EXOC6B: variants seen among roughly 807,000 people sequenced by gnomAD.
The protein encoded by EXOC6B is SEC15 homolog B.
In EXOC6B, 54 loss-of-function variants were observed where a neutral mutation model predicts 113.5. That is an observed-to-expected ratio of 0.48 (90% CI 0.38 to 0.60). The LOEUF is 0.60. Ranked by LOEUF, EXOC6B falls within the 20% of genes least tolerant of loss-of-function variation. The probability of loss-of-function intolerance (pLI) is 0.00; values close to 1 mark genes in which losing one functional copy is unlikely to be tolerated. For missense variants in EXOC6B, 797 were observed against 977.5 expected (o/e 0.82, Z 2.46); for synonymous variants, 357 against 339.0 (o/e 1.05, Z -0.58).
chr2:72,291,351 C>T (rs1685776272), intron 20 of EXOC6B, among the ~76,000 whole-genome samples: 1 of 152,180 alleles, frequency 6.6e-6, no homozygotes, highest in South Asian at 2.1e-4. Flanking sequence ...TAAAAGGCTG[C>T]CATGTCGGAC....
chr2:72,642,459 A>G (rs539977508), intron 6 of EXOC6B, among the ~76,000 whole-genome samples: 2,221 of 145,532 alleles, frequency 0.015, 27 homozygotes, highest in Middle Eastern at 0.053. Context: ...AAATAACGCC[A>G]CATATCTACA....
At chr2:72,325,872 T>C (rs1688100033) in intron 20 of EXOC6B, among the ~76,000 whole-genome samples, 1 of 152,020 alleles carries the variant, frequency 6.6e-6, no homozygotes, top group East Asian at 1.9e-4. Flanking sequence ...CAGATTAGGG[T>C]TCTGGATTCT....
At position 72,593,066 on chromosome 2, in the gene EXOC6B, G is replaced by A. The variant is rs553995812; in HGVS notation, c.670-17398C>T. ...ATGCAATGGAACCTCCAAAAAAACC[G>A]TAAACAACAGGGTTGGAGAGCTTCC... On this transcript the variant is annotated intron_variant, in intron 6 of 21. Coordinates refer to ENST00000272427, the MANE Select transcript of EXOC6B (RefSeq NM_015189.3). Among the ~76,000 whole-genome samples, 38 of 152,182 alleles carry A rather than the reference G, an allele frequency of 2.5e-4. No homozygotes were observed. In the Middle Eastern group the frequency reaches 0.014, roughly 55 times the overall value.
intron 18 of EXOC6B, among the ~76,000 whole-genome samples, chr2:72,381,230 C>A (rs1190052395): frequency 6.6e-6 from 1 of 152,020 alleles, no homozygotes. Flanking sequence ...CTTCCTTTTT[C>A]AGTTGAATAT....
intron 20 of EXOC6B, among the ~76,000 whole-genome samples, chr2:72,223,372 TGG>T (rs1680994206): frequency 6.6e-6 from 1 of 152,186 alleles, no homozygotes; most frequent in South Asian, 2.1e-4. Flanking sequence ...TATCCCTTTG[TGG>T]TTACAGATTA....
At chr2:72,601,695 T>G (rs1670446082) in intron 6 of EXOC6B, among the ~76,000 whole-genome samples, 1 of 152,294 alleles carries the variant, frequency 6.6e-6, no homozygotes, top group Admixed American at 6.5e-5. Context: ...AGTTGAAAAT[T>G]TATGTCCACA....
At chr2:72,742,464 C>CTA (rs375720239) in intron 1 of EXOC6B, among the ~76,000 whole-genome samples, 13 of 152,240 alleles carry the variant, frequency 8.5e-5, no homozygotes, top group African/African-American at 2.9e-4. Context: ...CAAGCACAGC[C>CTA]TATACATGTC....
chr2:72,708,648 T>G (rs1327573022), intron 6 of EXOC6B, among the ~76,000 whole-genome samples: 1 of 152,188 alleles, frequency 6.6e-6, no homozygotes, highest in Non-Finnish European at 1.5e-5. Context: ...CTGCATCCTG[T>G]TTGCAGTAGT....
chr2:72,796,497 T>C (rs926023889), intron 1 of EXOC6B, among the ~76,000 whole-genome samples: 14 of 150,798 alleles, frequency 9.3e-5, no homozygotes, highest in Non-Finnish European at 1.9e-4. Flanking sequence ...ACAAGCTTGG[T>C]TTACATAATC....
At chr2:72,451,494 A>T (rs1436038380) in intron 18 of EXOC6B, among the ~76,000 whole-genome samples, 1 of 152,234 alleles carries the variant, frequency 6.6e-6, no homozygotes, top group Non-Finnish European at 1.5e-5. Context: ...TAAAGACGGT[A>T]AATCATTCAA....
intron 6 of EXOC6B, among the ~76,000 whole-genome samples, chr2:72,656,501 C>G (rs1246209172): frequency 6.6e-6 from 1 of 151,708 alleles, no homozygotes; most frequent in Non-Finnish European, 1.5e-5. Flanking sequence ...AGGTAATTCA[C>G]AAAAAAAGAA....
chr2:72,780,995 T>A (rs1684004016), intron 1 of EXOC6B, among the ~76,000 whole-genome samples: 1 of 152,180 alleles, frequency 6.6e-6, no homozygotes, highest in Non-Finnish European at 1.5e-5. Flanking sequence ...GTGATCAAAT[T>A]CCTAACTAAA....
intron 20 of EXOC6B, among the ~76,000 whole-genome samples, chr2:72,239,545 C>T (rs1295541634): frequency 6.6e-6 from 1 of 152,158 alleles, no homozygotes; most frequent in Non-Finnish European, 1.5e-5. Context: ...ACATGTCTAT[C>T]CTTAGTGCCA....
chr2:72,617,996 G>C (rs187182831), intron 6 of EXOC6B, among the ~76,000 whole-genome samples: 1 of 152,240 alleles, frequency 6.6e-6, no homozygotes, highest in Non-Finnish European at 1.5e-5. Flanking sequence ...TGTTCAGTAA[G>C]TTCATCTTGA....
At chr2:72,463,892 G>C (rs1409742525) in intron 18 of EXOC6B, 1 of 152,132 alleles carries the variant, frequency 6.6e-6, no homozygotes, top group African/African-American at 2.4e-5. Context: ...CAGCAGATTC[G>C]GTGTCTGATG....
At chr2:72,425,805 G>A (rs1449380219) in intron 18 of EXOC6B, among the ~76,000 whole-genome samples, 4 of 152,002 alleles carry the variant, frequency 2.6e-5, no homozygotes, top group African/African-American at 9.7e-5. Flanking sequence ...GATCATAAAA[G>A]CTATAATTTC....
At chr2:72,375,895 A>C (rs1031604069) in intron 19 of EXOC6B, among the ~76,000 whole-genome samples, 4 of 152,174 alleles carry the variant, frequency 2.6e-5, no homozygotes, top group South Asian at 2.1e-4. Context: ...GAGCTTGCTT[A>C]AGTTTCTTCA....
chr2:72,631,751 G>T (rs553717713), intron 6 of EXOC6B, among the ~76,000 whole-genome samples: 1 of 151,800 alleles, frequency 6.6e-6, no homozygotes, highest in African/African-American at 2.4e-5. Context: ...CAATCCACCC[G>T]CCTTGGCCTC....
At chr2:72,202,649 T>C (rs1572990732) in intron 20 of EXOC6B, among the ~76,000 whole-genome samples, 1 of 105,630 alleles carries the variant, frequency 9.5e-6, no homozygotes, top group African/African-American at 3.3e-5. Flanking sequence ...AAAAAACCTA[T>C]TTTTTTTACC....
Sources: gnomAD v4.1 joint callset for allele counts (sites outside exome capture counted in the v4.1 genomes callset) on GRCh38, gnomAD v4.1.1 for gene constraint, MANE v1.5 for transcripts, NCBI Gene and HGNC (gene_info 2026-07-23, HGNC 2026-07-21) for gene names.